The following PCDHGA4 variants were observed in gnomAD, a reference collection of about 807,000 sequenced individuals.
PCDHGA4 encodes protocadherin gamma subfamily A, 4, also known as protocadherin gamma-A4.
In PCDHGA4, 38 loss-of-function variants were observed where a neutral mutation model predicts 54.6. The observed-to-expected ratio is 0.70, with a 90% CI of 0.54 to 0.91. The LOEUF is 0.91. PCDHGA4 is among the 40% of genes least tolerant of loss of function. The probability of loss-of-function intolerance (pLI) is 0.00; values close to 1 mark genes in which losing one functional copy is unlikely to be tolerated. For synonymous variants in PCDHGA4, 511 were observed against 512.9 expected (o/e 1.00, Z 0.05); for missense variants, 1,298 against 1,220.9 (o/e 1.06, Z -0.94).
intron 1 of PCDHGA4, chr5:141,382,738 C>A (rs1464522704): frequency 1.7e-6 from 1 of 572,972 alleles, no homozygotes; most frequent in East Asian, 2.8e-5. Context: ...CACAGAGAAA[C>A]GACAGATTGC....
intron 1 of PCDHGA4, chr5:141,398,967 C>T: frequency 6.2e-7 from 1 of 1,613,942 alleles, no homozygotes; most frequent in Non-Finnish European, 8.5e-7. Flanking sequence ...TTACTTATTC[C>T]TTCTACAGAA....
In PCDHGA4 at chr5:141,421,044, C is replaced by A. The variant is rs556562994; in HGVS notation, c.2514+63423C>A. 5.5e-6 allele frequency: 3 copies of A among 548,610 alleles called. No individual in the cohort carries two copies. In the South Asian group the frequency reaches 8.2e-5, roughly 15 times the overall value. The allele number at this position is 548,610 out of a possible 1,614,324, so 34.0% of individuals were successfully genotyped here. A position where few individuals can be genotyped will look rare whatever the true frequency, so the allele number is the denominator to read the frequency against. ...CGCGCCATTGAGTCCCTCCCTCCCCCGCCTCTACCACACAAAGCGGAATGA... is the reference window on the plus strand; with the variant it reads ...CGCGCCATTGAGTCCCTCCCTCCCCAGCCTCTACCACACAAAGCGGAATGA... On this transcript the variant is annotated intron_variant, in intron 1 of 3. Transcript: ENST00000571252.
At chr5:141,478,234 G>C (rs762337749) in intron 1 of PCDHGA4, 21 of 1,614,082 alleles carry the variant, frequency 1.3e-5, no homozygotes, top group Non-Finnish European at 1.8e-5. Flanking sequence ...TGGGGTTTGT[G>C]GTCACAGTGT....
At chr5:141,363,563 A>G (rs1428859316) in intron 1 of PCDHGA4, among the ~76,000 whole-genome samples, 1 of 152,258 alleles carries the variant, frequency 6.6e-6, no homozygotes, top group Non-Finnish European at 1.5e-5. Context: ...ATGGTAATAG[A>G]AAAACATAAA....
chr5:141,410,455 T>G (rs2095396076), intron 1 of PCDHGA4: 3 of 1,613,914 alleles, frequency 1.9e-6, no homozygotes, highest in African/African-American at 2.7e-5. Flanking sequence ...TGCCTTATTC[T>G]TATAATCTGT....
At chr5:141,390,865 T>C (rs982852872) in intron 1 of PCDHGA4, 3 of 151,096 alleles carry the variant, frequency 2.0e-5, no homozygotes, top group Non-Finnish European at 2.9e-5. Context: ...ACGCTGTGTG[T>C]GCGTGTGTGT....
chr5:141,357,649 C>T (rs766421079), intron 1 of PCDHGA4, 28 bp downstream of exon 1: 1 of 1,609,184 alleles, frequency 6.2e-7, no homozygotes, highest in South Asian at 1.1e-5. Flanking sequence ...TAGATCATAC[C>T]ACACTGAAAT....
intron 1 of PCDHGA4, chr5:141,415,172 T>G (rs770772038): frequency 1.2e-6 from 2 of 1,613,882 alleles, no homozygotes; most frequent in Non-Finnish European, 1.7e-6. Context: ...ACGCTCACCG[T>G]GGCCGTGGCC....
At chr5:141,421,119 C>T (rs542039688) in intron 1 of PCDHGA4, 1 of 772,768 alleles carries the variant, frequency 1.3e-6, no homozygotes, top group Non-Finnish European at 2.0e-6. Flanking sequence ...TATTTTCCTT[C>T]GCTTTCTGAT....
rs148433768 is a variant in PCDHGA4 at position 141,385,635 on chromosome 5, C to T, written c.2514+28014C>T. 5.7e-6 allele frequency: 5 copies of T among 870,078 alleles called. No homozygotes were observed. The African/African-American group carries it at 8.9e-5, about 15-fold the overall frequency. 53.9% of individuals were successfully genotyped at this position (870,078 alleles called of 1,614,324 possible). A position where few individuals can be genotyped will look rare whatever the true frequency, so the allele number is the denominator to read the frequency against. On this transcript the variant is annotated intron_variant, in intron 1 of 3. Transcript: ENST00000571252. ...TTTTATACATTGGAATGAATCGAGT[C>T]TTTCATATTGCACAAGGTTAGCAGG...
At chr5:141,473,375 T>C (rs1433212994) in intron 1 of PCDHGA4, among the ~76,000 whole-genome samples, 1 of 152,192 alleles carries the variant, frequency 6.6e-6, no homozygotes, top group African/African-American at 2.4e-5. Flanking sequence ...AATAGCATGG[T>C]CCCTGCCCTC....
Position 141,489,179 on chromosome 5 carries a change from C to T in PCDHGA4, c.2515-5628C>T. ...AGACTTCAGCTGCTGCATTCCAAGC[C>T]CTGGGTCTACCTTGGAGACAGGACA... On this transcript the variant is annotated intron_variant, in intron 1 of 3. Coordinates refer to ENST00000571252, the MANE Select transcript of PCDHGA4 (RefSeq NM_018917.4). The surrounding 1 kb of genome is among the most constrained non-coding windows in gnomAD (Gnocchi z 4.5). The T allele has an allele frequency of 8.0e-7, 1 of 1,243,186 alleles. No individual in the cohort carries two copies. The highest frequency in any genetic ancestry group is 1.1e-6 in the Non-Finnish European group (1 of 890,032). The allele number at this position is 1,243,186 out of a possible 1,614,324, so 77.0% of individuals were successfully genotyped here. A position where few individuals can be genotyped will look rare whatever the true frequency, so the allele number is the denominator to read the frequency against.
At chr5:141,453,495 C>T (rs1490576605) in intron 1 of PCDHGA4, among the ~76,000 whole-genome samples, 1 of 151,968 alleles carries the variant, frequency 6.6e-6, no homozygotes, top group Admixed American at 6.6e-5. Flanking sequence ...AAAAGGTGTA[C>T]TCAGAAAATT....
rs965293763 is a variant in PCDHGA4 at position 141,372,242 on chromosome 5, G to A, written c.2514+14621G>A. 2.5e-6 allele frequency: 4 copies of A among 1,613,274 alleles called. No individual in the cohort carries two copies. The South Asian group carries it at 3.3e-5, about 13-fold the overall frequency. ...TTGTGCAGGCCAGCGAGCCCGGGCT[G>A]TTCAGCCTGGGCCTGCGCACGGGTG... On this transcript the variant is annotated intron_variant, in intron 1 of 3. Coordinates refer to ENST00000571252, the MANE Select transcript of PCDHGA4 (RefSeq NM_018917.4).
At chr5:141,370,986 G>A in intron 1 of PCDHGA4, 2 of 1,613,992 alleles carry the variant, frequency 1.2e-6, no homozygotes, top group Non-Finnish European at 1.7e-6. Context: ...AGTACTGAAA[G>A]CACCCCTGGA....
At chr5:141,361,801 A>C (rs1312731980) in intron 1 of PCDHGA4, 1 of 1,613,040 alleles carries the variant, frequency 6.2e-7, no homozygotes, top group Non-Finnish European at 8.5e-7. Flanking sequence ...GGGCGACCTC[A>C]ATGACAATGC....
intron 1 of PCDHGA4, chr5:141,468,632 C>G (rs1385644482): frequency 6.6e-6 from 1 of 151,628 alleles, no homozygotes; most frequent in Non-Finnish European, 1.5e-5. Context: ...TTTGGGAGGC[C>G]GAGGTGGGCG....
At chr5:141,392,349 A>T (rs60903062) in intron 1 of PCDHGA4, 6,500 of 152,632 alleles carry the variant, frequency 0.043, 224 homozygotes, top group African/African-American at 0.093. Context: ...GAGTAATTTA[A>T]TCCGATGCTA....
chr5:141,477,765 A>C lies in PCDHGA4; in HGVS notation c.2515-17042A>C, dbSNP rs752391870. The C allele has an allele frequency of 6.2e-7, 1 of 1,614,026 alleles. No individual in the cohort carries two copies. Among genetic ancestry groups the C allele is most frequent in the Non-Finnish European group, 8.5e-7 (1 of 1,180,036 alleles). Reference sequence around the variant, plus strand: ...GGGGGCACCCCGGTCCTAGCCACCAACATCAGCGTGAACATATTTGTCACT... The same window carrying C: ...GGGGGCACCCCGGTCCTAGCCACCACCATCAGCGTGAACATATTTGTCACT... On this transcript the variant is annotated intron_variant, in intron 1 of 3. Coordinates refer to ENST00000571252, the MANE Select transcript of PCDHGA4 (RefSeq NM_018917.4). The surrounding 1 kb of genome is among the most constrained non-coding windows in gnomAD (Gnocchi z 4.9).
Sources: allele counts gnomAD v4.1 joint callset (sites outside exome capture counted in the v4.1 genomes callset), GRCh38; gene constraint gnomAD v4.1.1; non-coding constraint Gnocchi (gnomAD v3.1); transcripts MANE v1.5; gene names NCBI Gene and HGNC (gene_info 2026-07-23, HGNC 2026-07-21).